HS1BP3: variants seen among roughly 807,000 people sequenced by gnomAD.
HS1BP3 encodes the protein HCLS1-binding protein 3.
Under a neutral mutation model 33.5 loss-of-function variants are expected in HS1BP3, and 32 were observed. That is an observed-to-expected ratio of 0.95 (90% CI 0.72 to 1.28). The LOEUF is 1.28. Ranked by LOEUF, HS1BP3 falls within the 50% of genes most tolerant of loss-of-function variation. The pLI is 0.00. For synonymous variants in HS1BP3, 187 were observed against 209.2 expected (o/e 0.89, Z 0.92); for missense variants, 486 against 502.3 (o/e 0.97, Z 0.31).
intron 2 of HS1BP3, among the ~76,000 whole-genome samples, chr2:20,599,110 C>T (rs1694013289): frequency 6.6e-6 from 1 of 152,240 alleles, no homozygotes. Flanking sequence ...GGAGATACTG[C>T]TAAATCCTGG....
At chr2:20,557,159 T>C (rs1371681654), downstream of HS1BP3, among the ~76,000 whole-genome samples, 2 of 152,262 alleles carry the variant, frequency 1.3e-5, no homozygotes, top group Non-Finnish European at 2.9e-5. Flanking sequence ...TCTATGCTGT[T>C]GTAAATTCTG....
At chr2:20,634,535 G>A (rs1461267401) in intron 4 of HS1BP3, among the ~76,000 whole-genome samples, 12 of 152,284 alleles carry the variant, frequency 7.9e-5, no homozygotes, top group Middle Eastern at 3.4e-3. Context: ...AGGCACCCTC[G>A]GGGAAGCAGC....
intron 2 of HS1BP3, among the ~76,000 whole-genome samples, chr2:20,599,903 C>T (rs1264391616): frequency 6.6e-6 from 1 of 152,146 alleles, no homozygotes; most frequent in East Asian, 1.9e-4. Context: ...CAAGAAGTTC[C>T]ACTCTGTGAA....
downstream of HS1BP3, among the ~76,000 whole-genome samples, chr2:20,587,807 G>A (rs1693717493): frequency 6.6e-6 from 1 of 152,204 alleles, no homozygotes; most frequent in Non-Finnish European, 1.5e-5. Context: ...GACAGGCACA[G>A]TCCAAGTGGC....
In HS1BP3 at chr2:20,611,334, CAA is replaced by C. The variant is rs1301650055; in HGVS notation, c.178+12560_178+12561del. Among the ~76,000 whole-genome samples, 2 of 152,164 alleles carry C rather than the reference CAA, an allele frequency of 1.3e-5. No homozygotes were observed. The highest frequency in any genetic ancestry group is 6.5e-5 in the Admixed American group (1 of 15,276). ...GGGGGAACGCTGGCTCACTCCCTCC[CAA>C]AGTGATTGAGGGTTGATAAGGAAGC... On this transcript the variant is annotated intron_variant, in intron 2 of 3. Coordinates refer to the HS1BP3 transcript ENST00000415264. This position sits in a 1 kb window ranked among gnomAD's most constrained non-coding sequence, Gnocchi z 4.9.
the HS1BP3 span, among the ~76,000 whole-genome samples, chr2:20,554,449 G>A: frequency 1.3e-5 from 2 of 152,286 alleles, no homozygotes; most frequent in East Asian, 1.9e-4. Context: ...GGGGCCAGGC[G>A]CGGTGGCTGA....
At position 20,618,892 on chromosome 2, in the gene HS1BP3, G is replaced by T. The variant is rs1318647944; in HGVS notation, c.*95C>A. ...GGCTTCTGCCTGGCCTCCCCTGGGGGTGGGGAGGTTCTGACCCTGCAGGGC... is the reference window on the plus strand; with the variant it reads ...GGCTTCTGCCTGGCCTCCCCTGGGGTTGGGGAGGTTCTGACCCTGCAGGGC... On this transcript the variant is annotated 3_prime_UTR_variant, in exon 7 of 7. Transcript: ENST00000304031. 40 of 1,476,856 alleles carry T rather than the reference G, an allele frequency of 2.7e-5. No homozygotes were observed. The highest frequency in any genetic ancestry group is 3.3e-5 in the Non-Finnish European group (37 of 1,116,266). 91.5% of individuals were successfully genotyped at this position (1,476,856 alleles called of 1,614,324 possible).
At chr2:20,620,571 C>T (rs180871482) in intron 6 of HS1BP3, among the ~76,000 whole-genome samples, 1 of 152,300 alleles carries the variant, frequency 6.6e-6, no homozygotes, top group Non-Finnish European at 1.5e-5. Flanking sequence ...CGGAACTGTA[C>T]ACAGAAGCAC....
intron 2 of HS1BP3, among the ~76,000 whole-genome samples, chr2:20,603,764 A>T (rs1558330754): frequency 1.3e-5 from 2 of 152,260 alleles, no homozygotes; most frequent in African/African-American, 4.8e-5. Flanking sequence ...AAGCCGTTTT[A>T]AAAAACATAA....
chr2:20,645,923 C>T (rs143085671), intron 1 of HS1BP3, among the ~76,000 whole-genome samples: 68 of 152,322 alleles, frequency 4.5e-4, no homozygotes, highest in African/African-American at 1.6e-3. Flanking sequence ...CTCTCTTTGG[C>T]TAATGGGCAG....
At chr2:20,601,749 C>G (rs1390158023) in intron 2 of HS1BP3, among the ~76,000 whole-genome samples, 2 of 149,924 alleles carry the variant, frequency 1.3e-5, no homozygotes, top group Non-Finnish European at 3.0e-5. Context: ...TTATAAATCA[C>G]CCAGTTTTCA....
chr2:20,575,524 C>T (rs1693377258), intron 5 of HS1BP3, among the ~76,000 whole-genome samples: 1 of 152,256 alleles, frequency 6.6e-6, no homozygotes, highest in Non-Finnish European at 1.5e-5. Flanking sequence ...ACACTCTGCC[C>T]ACATATTTTA....
chr2:20,598,725 A>G (rs961860531), intron 2 of HS1BP3, among the ~76,000 whole-genome samples: 40 of 150,228 alleles, frequency 2.7e-4, no homozygotes, highest in African/African-American at 7.6e-4. Flanking sequence ...CGCCCGGCTA[A>G]TTTTTTGTAT....
At chr2:20,585,398 A>G (rs1362149849) in intron 5 of HS1BP3, among the ~76,000 whole-genome samples, 1 of 152,206 alleles carries the variant, frequency 6.6e-6, no homozygotes, top group Non-Finnish European at 1.5e-5. Context: ...GGTCTGGAAG[A>G]TAACTATATA....
At position 20,641,065 on chromosome 2, in the gene HS1BP3, A is replaced by G. The variant is rs1390810240; in HGVS notation, c.314T>C (p.Ile105Thr). The G allele has an allele frequency of 1.9e-6, 3 of 1,613,986 alleles. No homozygotes were observed. The African/African-American group carries it at 4.0e-5, about 22-fold the overall frequency. The change falls in exon 3 of 7, where the codon ATC becomes ACC. Residue 105 changes from isoleucine to threonine, a missense_variant. By Grantham distance (89) the Ile-to-Thr change is moderately conservative. Transcript: ENST00000304031. The part of the protein sequence containing the change: ...RKVLFVGESD[I>T]RERRAVFNEI... The stretch of plus-strand genomic sequence containing the variant: ...ATTGAACACGGCTCTCCTCTCCCGG[A>G]TGTCAGACTCCCCAACAAACAGGAC...
intron 5 of HS1BP3, among the ~76,000 whole-genome samples, chr2:20,563,062 C>T (rs1177164996): frequency 1.3e-5 from 2 of 152,216 alleles, no homozygotes; most frequent in Non-Finnish European, 2.9e-5. Flanking sequence ...AGGCTCCGAC[C>T]TTCCTAAAAA....
Position 20,602,554 on chromosome 2 carries a change from A to C in HS1BP3, c.179-4289T>G, listed in dbSNP as rs75942905. ...GTGTGAGCTTGAAAAAAACCGAAAC[A>C]TCAATAGCTCTTTAACAGATTCTCA... is the stretch of plus-strand genomic sequence containing the variant. On this transcript the variant is annotated intron_variant, in intron 2 of 3. Transcript: ENST00000415264. 5.4e-3 allele frequency among the ~76,000 whole-genome samples: 819 copies of C among 152,362 alleles called. 7 individuals are homozygous for C. The highest frequency in any genetic ancestry group is 0.019 in the African/African-American group (771 of 41,572).
chr2:20,595,921 C>T (rs771851727), intron 3 of HS1BP3, among the ~76,000 whole-genome samples: 20 of 152,186 alleles, frequency 1.3e-4, no homozygotes, highest in Non-Finnish European at 2.2e-4. Context: ...AAGAGCTTCC[C>T]GCATGGCTGA....
chr2:20,603,759 G>A (rs544026732), intron 2 of HS1BP3, among the ~76,000 whole-genome samples: 19 of 152,200 alleles, frequency 1.2e-4, no homozygotes, highest in African/African-American at 1.9e-4. Context: ...CAATGAAGCC[G>A]TTTTAAAAAA....
Sources: allele counts gnomAD v4.1 joint callset (sites outside exome capture counted in the v4.1 genomes callset), GRCh38; gene constraint gnomAD v4.1.1; non-coding constraint Gnocchi (gnomAD v3.1); transcripts MANE v1.5; gene names NCBI Gene and HGNC (gene_info 2026-07-23, HGNC 2026-07-21).